The following CFAP77 variants were observed in gnomAD, a reference collection of about 807,000 sequenced individuals.
CFAP77 encodes cilia- and flagella-associated protein 77.
A neutral mutation model predicts 31.1 loss-of-function variants in CFAP77; 25 were observed. The ratio of observed to expected loss-of-function variants is 0.80; its 90% CI spans 0.59 to 1.12. The LOEUF is 1.12. Ranked by LOEUF, CFAP77 falls within the 50% of genes most tolerant of loss-of-function variation. CFAP77 has a pLI of 0.00. For synonymous variants in CFAP77, 151 were observed against 159.9 expected (o/e 0.94, Z 0.42); for missense variants, 377 against 397.3 (o/e 0.95, Z 0.44).
intron 1 of CFAP77, among the ~76,000 whole-genome samples, chr9:132,434,006 G>T (rs1434532408): frequency 2.0e-5 from 3 of 151,764 alleles, no homozygotes; most frequent in African/African-American, 7.3e-5. Flanking sequence ...GGGCATGGTG[G>T]CATGTGCCTG....
intron 1 of CFAP77, among the ~76,000 whole-genome samples, chr9:132,431,766 G>A (rs1850415258): frequency 6.6e-6 from 1 of 152,188 alleles, no homozygotes; most frequent in Admixed American, 6.5e-5. Flanking sequence ...TGAAGGAATA[G>A]TAGCCCAAAT....
chr9:132,556,923 G>GCCA (rs1852915194), intron 5 of CFAP77, among the ~76,000 whole-genome samples: 2 of 152,166 alleles, frequency 1.3e-5, no homozygotes, highest in Non-Finnish European at 2.9e-5. Flanking sequence ...GGAAGGCCCC[G>GCCA]CGTCTCCTTC....
chr9:132,520,286 C>T (rs531097482), intron 3 of CFAP77, among the ~76,000 whole-genome samples: 3 of 152,176 alleles, frequency 2.0e-5, no homozygotes, highest in Non-Finnish European at 4.4e-5. Flanking sequence ...CCAGACAATA[C>T]AATGATCCAT....
rs1338835161 is a variant in CFAP77 at position 132,499,583 on chromosome 9, A to T, written c.507A>T (p.Thr169=). 2 of 1,613,970 alleles carry T rather than the reference A, an allele frequency of 1.2e-6. No individual in the cohort carries two copies. The highest frequency in any genetic ancestry group is 2.2e-5 in the East Asian group (1 of 44,878). The change falls in exon 3 of 6, where the codon ACA becomes ACT. Residue 169 remains threonine (T), a synonymous_variant. Coordinates refer to ENST00000393216, the MANE Select transcript of CFAP77 (RefSeq NM_001282957.2). This position sits in a 1 kb window ranked among gnomAD's most constrained non-coding sequence, Gnocchi z 5.4. ...KEPPPLPPNM[T]FGIRARPSTP... is the part of the protein sequence containing the mutation. ...CGCCCCCTCTCCCTCCAAACATGAC[A>T]TTTGGGATCCGGGCACGGTAAGGTG...
chr9:132,485,006 G>C (rs57731008), intron 1 of CFAP77, among the ~76,000 whole-genome samples: 4,447 of 152,138 alleles, frequency 0.029, 217 homozygotes, highest in African/African-American at 0.1. Flanking sequence ...GCGCCAGCAA[G>C]CCCAGCTAAT....
chr9:132,458,342 C>CGTGGGGGGG (rs145223432), intron 1 of CFAP77, among the ~76,000 whole-genome samples: 7 of 71,118 alleles, frequency 9.8e-5, no homozygotes, highest in South Asian at 5.9e-4. Flanking sequence ...GTCTCCCTGG[C>CGTGGGGGGG]GGGGGAGGGG....
At chr9:132,458,342 C>CGTGGGGGGGGG (rs145223432) in intron 1 of CFAP77, among the ~76,000 whole-genome samples, 1 of 71,172 alleles carries the variant, frequency 1.4e-5, no homozygotes, top group Non-Finnish European at 2.9e-5. Flanking sequence ...GTCTCCCTGG[C>CGTGGGGGGGGG]GGGGGAGGGG....
chr9:132,510,018 C>T (rs1305402678), intron 3 of CFAP77, among the ~76,000 whole-genome samples: 1 of 152,198 alleles, frequency 6.6e-6, no homozygotes, highest in Non-Finnish European at 1.5e-5. Flanking sequence ...TCCCTTTCGG[C>T]TCTCCTGTGG....
chr9:132,484,525 T>C (rs1400473770), intron 1 of CFAP77, among the ~76,000 whole-genome samples: 1 of 152,188 alleles, frequency 6.6e-6, no homozygotes, highest in African/African-American at 2.4e-5. Context: ...TTCCTTAGCA[T>C]AATGCTTTCA....
At chr9:132,459,318 G>A (rs1850991564) in intron 1 of CFAP77, among the ~76,000 whole-genome samples, 2 of 152,040 alleles carry the variant, frequency 1.3e-5, no homozygotes, top group Non-Finnish European at 1.5e-5. Context: ...TGATCTGCCC[G>A]CCTTGGTCTC....
At chr9:132,561,604 TACACACACACAC>T (rs61039438) in intron 5 of CFAP77, among the ~76,000 whole-genome samples, 1,182 of 111,560 alleles carry the variant, frequency 0.011, 12 homozygotes, top group East Asian at 0.062. Flanking sequence ...GAGGTGCATG[TACACACACACAC>T]ACACACACAC....
chr9:132,434,748 A>G (rs1398621497), intron 1 of CFAP77, among the ~76,000 whole-genome samples: 1 of 152,196 alleles, frequency 6.6e-6, no homozygotes, highest in Non-Finnish European at 1.5e-5. Flanking sequence ...GCAAACGGAT[A>G]TAGGAACCTG....
At chr9:132,523,352 G>A (rs1189090225) in intron 3 of CFAP77, among the ~76,000 whole-genome samples, 40 of 152,300 alleles carry the variant, frequency 2.6e-4, no homozygotes. Flanking sequence ...GCCTCCCAAA[G>A]TGCTGGGATT....
Position 132,498,740 on chromosome 9 carries a change from AT to A in CFAP77, c.243del (p.Asn82IlefsTer35), listed in dbSNP as rs760989281. 15 of 1,612,514 alleles carry A rather than the reference AT, an allele frequency of 9.3e-6. No homozygotes were observed. The East Asian group carries it at 3.1e-4, about 34-fold the overall frequency. On this transcript the variant is annotated frameshift_variant, in exon 2 of 6. Coordinates refer to ENST00000393216, the MANE Select transcript of CFAP77 (RefSeq NM_001282957.2). LOFTEE classifies it high-confidence loss of function. The surrounding 1 kb of genome is among the most constrained non-coding windows in gnomAD (Gnocchi z 4.2). ...PRERSYSLPG[I>X]NFNYGLYIRG... ...GGAAAGAAGCTACAGTCTGCCCGGC[AT>A]TAATTTTAATTATGGACTCTACATC...
At chr9:132,456,415 C>T (rs980990908) in intron 1 of CFAP77, among the ~76,000 whole-genome samples, 1 of 152,192 alleles carries the variant, frequency 6.6e-6, no homozygotes, top group Non-Finnish European at 1.5e-5. Flanking sequence ...TTCCCTACGG[C>T]GCCTCCTTGG....
chr9:132,510,233 G>C (rs1286076206), intron 3 of CFAP77, among the ~76,000 whole-genome samples: 1 of 152,208 alleles, frequency 6.6e-6, no homozygotes, highest in Non-Finnish European at 1.5e-5. Flanking sequence ...AGCCTCCCAG[G>C]TTGCATCGCA....
intron 5 of CFAP77, among the ~76,000 whole-genome samples, chr9:132,548,986 A>G (rs2119078026): frequency 6.6e-6 from 1 of 152,252 alleles, no homozygotes; most frequent in African/African-American, 2.4e-5. Flanking sequence ...CTGGCTCCCT[A>G]ATAGAACAGG....
chr9:132,478,953 G>A (rs1223995758), intron 1 of CFAP77, among the ~76,000 whole-genome samples: 1 of 152,180 alleles, frequency 6.6e-6, no homozygotes, highest in Non-Finnish European at 1.5e-5. Context: ...CATTGAATAT[G>A]ACTAGCATTC....
chr9:132,556,414 G>A (rs180876436), intron 5 of CFAP77, among the ~76,000 whole-genome samples: 100 of 152,288 alleles, frequency 6.6e-4, no homozygotes, highest in African/African-American at 2.3e-3. Context: ...AAAGAAGGGA[G>A]GACCCCCTCC....
Sources: allele counts gnomAD v4.1 joint callset (sites outside exome capture counted in the v4.1 genomes callset), GRCh38; gene constraint gnomAD v4.1.1; non-coding constraint Gnocchi (gnomAD v3.1); transcripts MANE v1.5; gene names NCBI Gene and HGNC (gene_info 2026-07-23, HGNC 2026-07-21).